The following MAN1A1 variants were observed in gnomAD, a reference collection of about 807,000 sequenced individuals.
MAN1A1 encodes mannosyl-oligosaccharide 1,2-alpha-mannosidase IA.
In MAN1A1, 29 loss-of-function variants were observed where a neutral mutation model predicts 70.8. That is an observed-to-expected ratio of 0.41 (90% confidence interval 0.31 to 0.56). MAN1A1 has a LOEUF of 0.56. MAN1A1 is among the 20% of genes least tolerant of loss of function. MAN1A1 has a pLI of 0.29. For missense variants in MAN1A1, 747 were observed against 841.3 expected (o/e 0.89, Z 1.39); for synonymous variants, 349 against 330.1 (o/e 1.06, Z -0.62).
chr6:119,302,819 T>C (rs1772429552), intron 3 of MAN1A1, among the ~76,000 whole-genome samples: 1 of 152,182 alleles, frequency 6.6e-6, no homozygotes, highest in Non-Finnish European at 1.5e-5. Context: ...TAGTGATAGT[T>C]CTAAGAAGAC....
intron 2 of MAN1A1, among the ~76,000 whole-genome samples, chr6:119,342,367 T>A (rs1773619186): frequency 6.6e-6 from 1 of 152,170 alleles, no homozygotes; most frequent in Admixed American, 6.5e-5. Context: ...TGGCTTTAGG[T>A]GGTGACCAGT....
upstream of MAN1A1, among the ~76,000 whole-genome samples, chr6:119,350,296 G>C (rs997136305): frequency 2.0e-5 from 3 of 152,178 alleles, no homozygotes; most frequent in East Asian, 5.8e-4. Context: ...TCCAAGGCCG[G>C]GGTTCCCCGG....
At chr6:119,196,832 G>C (rs989472901) in intron 8 of MAN1A1, among the ~76,000 whole-genome samples, 3 of 152,174 alleles carry the variant, frequency 2.0e-5, no homozygotes, top group African/African-American at 4.8e-5. Flanking sequence ...TAGATAGATG[G>C]ATGGCTGTTA....
At chr6:119,180,661 C>T (rs7775658) in intron 11 of MAN1A1, among the ~76,000 whole-genome samples, 17,748 of 151,816 alleles carry the variant, frequency 0.12, 3,488 homozygotes, top group African/African-American at 0.41. Context: ...CACAGGCATT[C>T]GCCACCATGC....
At chr6:119,277,936 CAAAA>C (rs58837799) in intron 5 of MAN1A1, among the ~76,000 whole-genome samples, 1 of 23,174 alleles carries the variant, frequency 4.3e-5, no homozygotes, top group Non-Finnish European at 7.4e-5. Context: ...GACTCCATCT[CAAAA>C]AAAAAAAAAA....
rs138158755 is a variant in MAN1A1, at chr6:119,221,252, T to A, written c.993-16370A>T. ...CAAAATATTAAAAAGCATAAAAAAG[T>A]AACCACAAATTTTACTTCCAATTCC... On this transcript the variant is annotated intron_variant, in intron 6 of 12. Transcript: ENST00000368468. Among the ~76,000 whole-genome samples the A allele has an allele frequency of 3.5e-3, 533 of 152,242 alleles. 3 individuals are homozygous for A. Among genetic ancestry groups the A allele is most frequent in the African/African-American group, 0.012 (506 of 41,570 alleles).
intron 5 of MAN1A1, among the ~76,000 whole-genome samples, chr6:119,252,535 T>C (rs966212013): frequency 1.3e-5 from 2 of 152,204 alleles, no homozygotes; most frequent in African/African-American, 4.8e-5. Context: ...GGCTCATGCC[T>C]GTAATCCCAG....
intron 5 of MAN1A1, among the ~76,000 whole-genome samples, chr6:119,285,631 C>G (rs1339086702): frequency 6.7e-6 from 1 of 148,780 alleles, no homozygotes; most frequent in Non-Finnish European, 1.5e-5. Flanking sequence ...TCCAATTAGG[C>G]CTTTTGTTGA....
At chr6:119,323,466 C>T (rs1464799158) in intron 2 of MAN1A1, among the ~76,000 whole-genome samples, 1 of 152,186 alleles carries the variant, frequency 6.6e-6, no homozygotes, top group African/African-American at 2.4e-5. Context: ...AATCAATTAT[C>T]AAGTATTTTT....
At chr6:119,298,724 G>A (rs919583949) in intron 4 of MAN1A1, among the ~76,000 whole-genome samples, 4 of 151,596 alleles carry the variant, frequency 2.6e-5, no homozygotes, top group African/African-American at 9.7e-5. Flanking sequence ...AGCCCCCCAA[G>A]TAGCTGGGAC....
At chr6:119,193,928 A>C in intron 8 of MAN1A1, 36 bp from the exon 9 acceptor site, 1 of 1,379,264 alleles carries the variant, frequency 7.3e-7, no homozygotes, top group East Asian at 2.3e-5. Context: ...AGAGTGATTC[A>C]GCTTTTAATT....
chr6:119,330,347 G>A (rs918478781), intron 2 of MAN1A1, among the ~76,000 whole-genome samples: 2 of 151,886 alleles, frequency 1.3e-5, no homozygotes, highest in African/African-American at 4.8e-5. Flanking sequence ...CAGAAAACCC[G>A]TGACCCAATC....
chr6:119,327,057 T>C (rs1773164795), intron 2 of MAN1A1, among the ~76,000 whole-genome samples: 1 of 152,190 alleles, frequency 6.6e-6, no homozygotes, highest in Admixed American at 6.5e-5. Context: ...TTATTTCACA[T>C]GGCAAAGGGA....
At chr6:119,240,302 C>T (rs1018152171) in intron 6 of MAN1A1, among the ~76,000 whole-genome samples, 1 of 151,978 alleles carries the variant, frequency 6.6e-6, no homozygotes, top group Non-Finnish European at 1.5e-5. Context: ...TACAATTTAC[C>T]CTTAAATTGT....
At chr6:119,284,117 G>T (rs1776292859) in intron 5 of MAN1A1, among the ~76,000 whole-genome samples, 1 of 152,170 alleles carries the variant, frequency 6.6e-6, no homozygotes, top group African/African-American at 2.4e-5. Context: ...CACAAGGCCA[G>T]GGATTGGGGG....
chr6:119,318,471 T>C (rs1772913227), intron 2 of MAN1A1, among the ~76,000 whole-genome samples: 1 of 152,186 alleles, frequency 6.6e-6, no homozygotes, highest in Non-Finnish European at 1.5e-5. Context: ...CCATGCAATC[T>C]GGGGGAAACT....
chr6:119,195,480 C>T (rs1773544169), intron 8 of MAN1A1, among the ~76,000 whole-genome samples: 1 of 152,162 alleles, frequency 6.6e-6, no homozygotes, highest in African/African-American at 2.4e-5. Flanking sequence ...ATGACACTTC[C>T]TCAAAGGAGT....
chr6:119,346,879 T>G (rs534035275), intron 2 of MAN1A1, among the ~76,000 whole-genome samples: 26 of 152,378 alleles, frequency 1.7e-4, no homozygotes, highest in Admixed American at 4.6e-4. Flanking sequence ...TCATTTGGGT[T>G]AATTTCCTAT....
intron 5 of MAN1A1, among the ~76,000 whole-genome samples, chr6:119,270,538 G>A (rs1277091297): frequency 1.3e-5 from 2 of 152,074 alleles, no homozygotes; most frequent in African/African-American, 4.8e-5. Flanking sequence ...AACCCCTCTT[G>A]TCCTAGGCAA....
Sources: allele counts gnomAD v4.1 joint callset (sites outside exome capture counted in the v4.1 genomes callset), GRCh38; gene constraint gnomAD v4.1.1; transcripts MANE v1.5; gene names NCBI Gene and HGNC (gene_info 2026-07-23, HGNC 2026-07-21).